KCNIP3: variants seen among roughly 807,000 people sequenced by gnomAD.
KCNIP3 encodes the protein calsenilin.
KCNIP3 carries 28 observed loss-of-function variants against 35.0 expected under a neutral mutation model. The ratio of observed to expected loss-of-function variants is 0.80; its 90% CI spans 0.59 to 1.10. The LOEUF is 1.10. Ranked by LOEUF, KCNIP3 falls within the 50% of genes least tolerant of loss-of-function variation. The pLI, the probability that KCNIP3 is intolerant of heterozygous loss-of-function variation, is 0.00. For missense variants in KCNIP3, 295 were observed against 338.4 expected, an observed-to-expected ratio of 0.87 and a Z score of 1.01; for synonymous variants, 134 against 133.8, an observed-to-expected ratio of 1.00 and a Z score of -0.01.
intron 2 of KCNIP3, among the ~76,000 whole-genome samples, chr2:95,355,734 C>T (rs1309831698): frequency 2.0e-5 from 3 of 152,180 alleles, no homozygotes; most frequent in African/African-American, 7.2e-5. Context: ...TTTTCTTAAT[C>T]CAGTCTATCA....
intron 2 of KCNIP3, among the ~76,000 whole-genome samples, chr2:95,325,445 C>T (rs1477201751): frequency 6.6e-6 from 1 of 152,154 alleles, no homozygotes; most frequent in East Asian, 1.9e-4. Flanking sequence ...TGGCTGAAAG[C>T]TGGGTATCCC....
Position 95,376,256 on chromosome 2 carries a change from G to C in KCNIP3, c.447+1048G>C, listed in dbSNP as rs956053782. On this transcript the variant is annotated intron_variant, in intron 5 of 8. Transcript: ENST00000295225. The surrounding 1 kb of genome is among the most constrained non-coding windows in gnomAD (Gnocchi z 4.2). ...GTCCTTTCCCTGCCCCTCTCTCCTG[G>C]GGTGCCCTTTAAGAGGCACCTGACA... Among the ~76,000 whole-genome samples, 1 of 152,222 alleles carries C rather than the reference G, an allele frequency of 6.6e-6. No individual in the cohort carries two copies. The highest frequency in any genetic ancestry group is 1.5e-5 in the Non-Finnish European group (1 of 68,040).
intron 1 of KCNIP3, 51 bp downstream of exon 1, chr2:95,297,504 A>T: frequency 8.6e-7 from 1 of 1,156,684 alleles, no homozygotes; most frequent in Admixed American, 2.1e-5. Flanking sequence ...CGGGGGGAGG[A>T]ATGGAGGCTT....
chr2:95,362,348 C>T lies in KCNIP3; in HGVS notation c.182-11948C>T, dbSNP rs1365261627. 3.3e-5 allele frequency among the ~76,000 whole-genome samples: 5 copies of T among 152,074 alleles called. No individual in the cohort carries two copies. In the South Asian group the frequency reaches 6.2e-4, roughly 19 times the overall value. On this transcript the variant is annotated intron_variant, in intron 2 of 8. Coordinates refer to ENST00000295225, the MANE Select transcript of KCNIP3 (RefSeq NM_013434.5). ...CTCGAACTCCCGACCTCAGGTGATCCGCCCACCTCGGCCTCCCAAAGTGCT... is the reference window on the plus strand; with the variant it reads ...CTCGAACTCCCGACCTCAGGTGATCTGCCCACCTCGGCCTCCCAAAGTGCT...
intron 2 of KCNIP3, among the ~76,000 whole-genome samples, chr2:95,335,868 G>GT (rs1679048644): frequency 6.6e-6 from 1 of 151,610 alleles, no homozygotes; most frequent in Non-Finnish European, 1.5e-5. Flanking sequence ...ATTCTTTTCT[G>GT]TTTTTTTCTT....
chr2:95,346,487 C>T (rs1246856164), intron 2 of KCNIP3, among the ~76,000 whole-genome samples: 1 of 149,528 alleles, frequency 6.7e-6, no homozygotes, highest in Non-Finnish European at 1.5e-5. Context: ...CGGGCAGGCG[C>T]GGGGGGGCCG....
Position 95,310,454 on chromosome 2 carries a change from C to A in KCNIP3, c.115C>A (p.Arg39Ser). 1 of 1,613,812 alleles carries A rather than the reference C, an allele frequency of 6.2e-7. No individual in the cohort carries two copies. Among genetic ancestry groups the A allele is most frequent in the South Asian group, 1.1e-5 (1 of 91,060 alleles). ...GIKWQRPRLSRQALMRCCLVK... is the reference protein window; with the variant it reads ...GIKWQRPRLSSQALMRCCLVK... ...CAAGTGGCAGAGGCCGAGGCTCAGCCGCCAGGCTTTGATGAGATGCTGCCT... is the reference window on the plus strand; with the variant it reads ...CAAGTGGCAGAGGCCGAGGCTCAGCAGCCAGGCTTTGATGAGATGCTGCCT... Residue 39 changes from arginine (R) to serine (S), a missense_variant, in exon 2 of 9, where the codon CGC becomes AGC. Transcript: ENST00000295225.
At chr2:95,315,513 C>A (rs1464062354) in intron 2 of KCNIP3, among the ~76,000 whole-genome samples, 7 of 152,122 alleles carry the variant, frequency 4.6e-5, no homozygotes, top group Non-Finnish European at 8.8e-5. Flanking sequence ...AGCCCTTACT[C>A]CCCCGATCCT....
At chr2:95,348,070 C>T (rs1026493261) in intron 2 of KCNIP3, among the ~76,000 whole-genome samples, 7 of 152,244 alleles carry the variant, frequency 4.6e-5, no homozygotes, top group African/African-American at 1.7e-4. Flanking sequence ...CTTCGATGTC[C>T]AGGGCTGGCC....
intron 2 of KCNIP3, chr2:95,311,579 C>T (rs1678319530): frequency 6.6e-6 from 1 of 152,238 alleles, no homozygotes; most frequent in Non-Finnish European, 1.5e-5. Context: ...TCTGGGCAAA[C>T]AGCAGGCACA....
rs368400987 is a variant in KCNIP3, at chr2:95,377,434, C to G, written c.447+2226C>G. On this transcript the variant is annotated intron_variant, in intron 5 of 8. Transcript: ENST00000295225. The surrounding 1 kb of genome is among the most constrained non-coding windows in gnomAD (Gnocchi z 4.7). Reference sequence around the variant, plus strand: ...AGCAACCACATGCGACTCCCACCCCCTCGCTGAGCACCTGCTCCGGGCTCT... The same window carrying G: ...AGCAACCACATGCGACTCCCACCCCGTCGCTGAGCACCTGCTCCGGGCTCT... Among the ~76,000 whole-genome samples, 1 of 152,262 alleles carries G rather than the reference C, an allele frequency of 6.6e-6. No homozygotes were observed. Among genetic ancestry groups the G allele is most frequent in the African/African-American group, 2.4e-5 (1 of 41,460 alleles).
At position 95,375,845 on chromosome 2, in the gene KCNIP3, G is replaced by A. The variant is rs994513815; in HGVS notation, c.447+637G>A. The stretch of plus-strand genomic sequence containing the variant: ...CAAGCCTCTAAAAATAGCTGCAGGC[G>A]AAAAGCTGAAACCGCTTTGGGGAGG... On this transcript the variant is annotated intron_variant, in intron 5 of 8. Coordinates refer to ENST00000295225, the MANE Select transcript of KCNIP3 (RefSeq NM_013434.5). Among the ~76,000 whole-genome samples the A allele has an allele frequency of 1.3e-5, 2 of 152,186 alleles. 1 individual carries two copies. Among genetic ancestry groups the A allele is most frequent in the South Asian group, 4.1e-4 (2 of 4,824 alleles).
chr2:95,383,753 G>C (rs1479269040), intron 8 of KCNIP3, among the ~76,000 whole-genome samples: 3 of 152,224 alleles, frequency 2.0e-5, no homozygotes, highest in African/African-American at 7.2e-5. Flanking sequence ...AGGCCAGCCG[G>C]GATCGCCTTC....
chr2:95,329,812 T>C (rs866858510), intron 2 of KCNIP3, among the ~76,000 whole-genome samples: 1 of 152,240 alleles, frequency 6.6e-6, no homozygotes, highest in Non-Finnish European at 1.5e-5. Context: ...TGGGTGCTGC[T>C]GTGAGATGCC....
intron 8 of KCNIP3, among the ~76,000 whole-genome samples, chr2:95,383,667 G>A (rs1309358818): frequency 6.6e-6 from 1 of 152,220 alleles, no homozygotes; most frequent in East Asian, 1.9e-4. Flanking sequence ...GCACCTCAGG[G>A]GGCAGGATGC....
At chr2:95,326,279 AC>A (rs1678785525) in intron 2 of KCNIP3, among the ~76,000 whole-genome samples, 1 of 151,852 alleles carries the variant, frequency 6.6e-6, no homozygotes, top group South Asian at 2.1e-4. Context: ...TACACTCACT[AC>A]ACATACACAC....
In KCNIP3 at chr2:95,341,843, C is replaced by G. The variant is rs1679201772; in HGVS notation, c.181+31323C>G. ...AATATTTATACAAGGCAGGCAATAG[C>G]TGTCCCTTTGGGAAGCTTGCAGTCT... On this transcript the variant is annotated intron_variant, in intron 2 of 8. Coordinates refer to ENST00000295225, the MANE Select transcript of KCNIP3 (RefSeq NM_013434.5). Among the ~76,000 whole-genome samples the G allele has an allele frequency of 2.0e-5, 3 of 152,232 alleles. No homozygotes were observed. In the South Asian group the frequency reaches 6.2e-4, roughly 31 times the overall value.
At chr2:95,301,825 G>A (rs1678038356) in intron 1 of KCNIP3, among the ~76,000 whole-genome samples, 1 of 152,116 alleles carries the variant, frequency 6.6e-6, no homozygotes, top group South Asian at 2.1e-4. Context: ...TCCTGCTCCA[G>A]TGCTGCCAGA....
At chr2:95,326,159 G>A (rs185891630) in intron 2 of KCNIP3, among the ~76,000 whole-genome samples, 9 of 147,114 alleles carry the variant, frequency 6.1e-5, no homozygotes, top group African/African-American at 1.5e-4. Context: ...ACTTATATAC[G>A]CACTCATATA....
Sources: allele counts gnomAD v4.1 joint callset (sites outside exome capture counted in the v4.1 genomes callset), GRCh38; gene constraint gnomAD v4.1.1; non-coding constraint Gnocchi (gnomAD v3.1); transcripts MANE v1.5; gene names NCBI Gene and HGNC (gene_info 2026-07-23, HGNC 2026-07-21).